The following DEK variants were observed in gnomAD, a reference collection of about 807,000 sequenced individuals.
The protein encoded by DEK is DEK proto-oncogene.
DEK carries 28 observed loss-of-function variants against 46.8 expected under a neutral mutation model. The ratio of observed to expected loss-of-function variants is 0.60; its 90% CI spans 0.44 to 0.82. DEK has a LOEUF of 0.82. DEK is among the 40% of genes least tolerant of loss of function. The pLI is 0.00. For missense variants in DEK, 416 were observed against 430.6 expected (o/e 0.97, Z 0.30); for synonymous variants, 160 against 144.5 (o/e 1.11, Z -0.77).
rs529246398 is a variant in DEK at position 18,230,454 on chromosome 6, AC to A, written c.1048-4213del. On this transcript the variant is annotated intron_variant, in intron 9 of 10. Transcript: ENST00000652689. Reference sequence around the variant, plus strand: ...CTGACAAACTGGATAAAGAGTCAAGACCCATCAGTGTGCTGTATTCAGGAGA... The same window carrying A: ...CTGACAAACTGGATAAAGAGTCAAGACCATCAGTGTGCTGTATTCAGGAGA... 8.3e-4 allele frequency among the ~76,000 whole-genome samples: 126 copies of A among 152,306 alleles called. 3 individuals are homozygous for A. Among genetic ancestry groups the A allele is most frequent in the Middle Eastern group, 3.4e-3 (1 of 294 alleles).
At chr6:18,238,679 G>A (rs1790770452) in intron 7 of DEK, among the ~76,000 whole-genome samples, 1 of 132,772 alleles carries the variant, frequency 7.5e-6, no homozygotes, top group Non-Finnish European at 1.6e-5. Context: ...GAGAGAGACT[G>A]TCTCAAAAAA....
chr6:18,255,870 G>T lies in DEK; in HGVS notation c.453-19C>A. 4 of 1,589,590 alleles carry T rather than the reference G, an allele frequency of 2.5e-6. No individual in the cohort carries two copies. Among genetic ancestry groups the T allele is most frequent in the Non-Finnish European group, 3.4e-6 (4 of 1,174,394 alleles). On this transcript the variant is annotated intron_variant, in intron 5 of 10. Transcript: ENST00000652689. ...TCTAAATCTGAAACAGAAAATGGAA[G>T]AAACCAAGGTGTTAATATAGGAAAG...
chr6:18,236,616 T>C lies in DEK; in HGVS notation c.899-16A>G, dbSNP rs764095712. 7 of 1,398,090 alleles carry C rather than the reference T, an allele frequency of 5.0e-6. No individual in the cohort carries two copies. In the Admixed American group the frequency reaches 1.6e-4, roughly 32 times the overall value. 86.6% of individuals were successfully genotyped at this position (1,398,090 alleles called of 1,614,324 possible). A position where few individuals can be genotyped will look rare whatever the true frequency, so the allele number is the denominator to read the frequency against. On this transcript the variant is annotated splice_polypyrimidine_tract_variant and intron_variant, in intron 8 of 10. Coordinates refer to ENST00000652689, the MANE Select transcript of DEK (RefSeq NM_003472.4). ...GACTCACTTTCTAAAAGTAATATAA[T>C]AATAATAATTTTTCTTACATAGTAA...
chr6:18,251,129 A>C (rs114006184), intron 6 of DEK, among the ~76,000 whole-genome samples: 1,784 of 152,340 alleles, frequency 0.012, 30 homozygotes, highest in African/African-American at 0.04. Context: ...AAAATTACCT[A>C]ACATCAAGAA....
At chr6:18,233,591 G>GA (rs1434617221) in intron 9 of DEK, among the ~76,000 whole-genome samples, 2 of 152,116 alleles carry the variant, frequency 1.3e-5, no homozygotes, top group East Asian at 1.9e-4. Context: ...ACAGACACAT[G>GA]AAAAAATGCT....
Position 18,236,574 on chromosome 6 carries a change from C to T in DEK, c.925G>A (p.Asp309Asn). The T allele has an allele frequency of 6.3e-7, 1 of 1,575,000 alleles. No individual in the cohort carries two copies. The highest frequency in any genetic ancestry group is 8.6e-7 in the Non-Finnish European group (1 of 1,167,024). ...TTCAACTTTTTAATTAAAGGTTCAT[C>T]ATCTGAACTATCCTCAGACTCACTT... Reference protein sequence around the residue: ...KESESEDSSDDEPLIKKLKKP... With the variant: ...KESESEDSSDNEPLIKKLKKP... The change falls in exon 9 of 11, where the codon GAT becomes AAT. Residue 309 changes from aspartate (D) to asparagine (N), a missense_variant. Asp to Asn is a conservative substitution (Grantham distance 23). Transcript: ENST00000652689.
Position 18,228,418 on chromosome 6 carries a change from C to G in DEK, c.1048-2176G>C, listed in dbSNP as rs559031240. ...AGGTTCCAAGATGGCCGAATAGGAA[C>G]AGCTCCAGTCTACAGCTCCCACCGT... On this transcript the variant is annotated intron_variant, in intron 9 of 10. Coordinates refer to ENST00000652689, the MANE Select transcript of DEK (RefSeq NM_003472.4). 1.1e-4 allele frequency among the ~76,000 whole-genome samples: 17 copies of G among 151,664 alleles called. No homozygotes were observed. In the East Asian group the frequency reaches 2.9e-3, roughly 26 times the overall value.
chr6:18,227,552 C>T (rs538423691), intron 9 of DEK, among the ~76,000 whole-genome samples: 192 of 152,190 alleles, frequency 1.3e-3, no homozygotes, highest in African/African-American at 4.5e-3. Context: ...ACCTCAGAAG[C>T]CGGCCGGATC....
chr6:18,247,406 A>T (rs1187844068), intron 7 of DEK, among the ~76,000 whole-genome samples: 3 of 152,210 alleles, frequency 2.0e-5, no homozygotes, highest in Admixed American at 2.0e-4. Context: ...GTGTGATTTC[A>T]TACACCTAAT....
intron 7 of DEK, among the ~76,000 whole-genome samples, chr6:18,246,453 CAG>C (rs1360314404): frequency 2.0e-5 from 3 of 152,156 alleles, no homozygotes. Flanking sequence ...ATCATAAAAA[CAG>C]AGGTAGAGGT....
intron 7 of DEK, among the ~76,000 whole-genome samples, chr6:18,247,750 C>T (rs375166669): frequency 1.3e-5 from 2 of 152,148 alleles, no homozygotes; most frequent in Middle Eastern, 6.8e-3. Flanking sequence ...CAGCTCACTG[C>T]AACCTCTGCC....
intron 9 of DEK, among the ~76,000 whole-genome samples, chr6:18,227,467 T>G (rs146715994): frequency 0.024 from 3,625 of 152,230 alleles, 136 homozygotes; most frequent in African/African-American, 0.082. Flanking sequence ...TGACCTTGTC[T>G]CCACTATTAT....
intron 2 of DEK, among the ~76,000 whole-genome samples, chr6:18,259,501 AT>A (rs1330184927): frequency 6.7e-6 from 1 of 150,240 alleles, no homozygotes; most frequent in African/African-American, 2.4e-5. Context: ...AAATAAAATC[AT>A]TTTTTGAATG....
rs1378704280 is a variant in DEK at position 18,224,940 on chromosome 6, TTC to T, written c.*777_*778del. The T allele has an allele frequency of 4.6e-6, 1 of 215,474 alleles. No individual in the cohort carries two copies. The highest frequency in any genetic ancestry group is 9.4e-6 in the Non-Finnish European group (1 of 106,556). The allele number at this position is 215,474 out of a possible 1,614,324, so 13.3% of individuals were successfully genotyped here. On this transcript the variant is annotated 3_prime_UTR_variant, in exon 11 of 11. Coordinates refer to ENST00000652689, the MANE Select transcript of DEK (RefSeq NM_003472.4). ...ACTAAAATTACAAATTGATGACACTTTCGAGGCAAAGCAGGGTAACTGTTCCT... is the reference window on the plus strand; with the variant it reads ...ACTAAAATTACAAATTGATGACACTTGAGGCAAAGCAGGGTAACTGTTCCT...
intron 6 of DEK, among the ~76,000 whole-genome samples, chr6:18,255,519 T>C (rs185570206): frequency 1.3e-5 from 2 of 152,308 alleles, no homozygotes; most frequent in African/African-American, 4.8e-5. Flanking sequence ...TAACCTTATA[T>C]CCCTTGTATC....
In DEK at chr6:18,264,014, G is replaced by A; in HGVS notation, c.-9-18C>T. ...CTGTGAACCTGCATGCGGGAAGAAA[G>A]CCGGACGTCTCGGTCCTCCTACTCC... is the stretch of plus-strand genomic sequence containing the variant. On this transcript the variant is annotated intron_variant, in intron 1 of 10. Transcript: ENST00000652689. 6.3e-7 allele frequency: 1 copy of A among 1,585,672 alleles called. No homozygotes were observed. The highest frequency in any genetic ancestry group is 8.6e-7 in the Non-Finnish European group (1 of 1,166,034).
At chr6:18,232,742 C>A (rs1162028358) in intron 9 of DEK, among the ~76,000 whole-genome samples, 1 of 152,206 alleles carries the variant, frequency 6.6e-6, no homozygotes, top group Non-Finnish European at 1.5e-5. Flanking sequence ...ACATTCCATG[C>A]TCAAGGATTG....
At chr6:18,228,855 T>G (rs527629298) in intron 9 of DEK, among the ~76,000 whole-genome samples, 1 of 152,052 alleles carries the variant, frequency 6.6e-6, no homozygotes, top group South Asian at 2.1e-4. Context: ...GAGGCTTGAG[T>G]TGTAAACAAA....
intron 6 of DEK, among the ~76,000 whole-genome samples, chr6:18,250,100 A>C (rs1257039454): frequency 3.3e-5 from 5 of 152,210 alleles, no homozygotes; most frequent in African/African-American, 9.7e-5. Context: ...ATGGGACTAG[A>C]AGCTCAAGAC....
Sources: allele counts gnomAD v4.1 joint callset (sites outside exome capture counted in the v4.1 genomes callset), GRCh38; gene constraint gnomAD v4.1.1; transcripts MANE v1.5; gene names NCBI Gene and HGNC (gene_info 2026-07-23, HGNC 2026-07-21).